The following MALRD1 variants were observed in gnomAD, a reference collection of about 807,000 sequenced individuals.
MALRD1 encodes the protein MAM and LDL receptor class A domain containing 1.
MALRD1 carries 247 observed loss-of-function variants against 242.1 expected under a neutral mutation model. The observed-to-expected ratio is 1.02, with a 90% confidence interval of 0.92 to 1.13. The LOEUF is 1.13. Among genes scored for constraint, MALRD1 ranks in the 50% most tolerant of loss-of-function variants. The pLI, the probability that MALRD1 is intolerant of heterozygous loss-of-function variation, is 0.00. For synonymous variants in MALRD1, 995 were observed against 866.6 expected (o/e 1.15, Z -2.60); for missense variants, 2,989 against 2,533.1 (o/e 1.18, Z -3.86).
chr10:19,129,881 A>G (rs1837399077), intron 8 of MALRD1, among the ~76,000 whole-genome samples: 2 of 150,338 alleles, frequency 1.3e-5, no homozygotes. Context: ...AGATATAAAT[A>G]TATAGATAAA....
intron 21 of MALRD1, among the ~76,000 whole-genome samples, chr10:19,288,764 C>A (rs1484331639): frequency 1.3e-5 from 2 of 152,030 alleles, no homozygotes; most frequent in African/African-American, 4.8e-5. Context: ...ATTAAAGAAT[C>A]TTTTCAAAAT....
At position 19,445,695 on chromosome 10, in the gene MALRD1, T is replaced by A. The variant is rs191729617; in HGVS notation, c.4846-4612T>A. 8.5e-5 allele frequency among the ~76,000 whole-genome samples: 13 copies of A among 152,310 alleles called. No homozygotes were observed. The East Asian group carries it at 1.5e-3, about 18-fold the overall frequency. On this transcript the variant is annotated intron_variant, in intron 28 of 39. Coordinates refer to ENST00000454679, the MANE Select transcript of MALRD1 (RefSeq NM_001142308.3). ...TGTCTCAGAGGGGCACCCAGCTGTG[T>A]GAGGTGTCACCCTACTGGGAGGTGT...
intron 36 of MALRD1, among the ~76,000 whole-genome samples, chr10:19,669,333 A>T (rs1841813397): frequency 6.6e-6 from 1 of 152,212 alleles, no homozygotes; most frequent in Non-Finnish European, 1.5e-5. Context: ...CAATCTTTAG[A>T]AATTAACCTC....
chr10:19,543,028 TG>T (rs1366725623), intron 32 of MALRD1, among the ~76,000 whole-genome samples: 2 of 151,998 alleles, frequency 1.3e-5, no homozygotes, highest in African/African-American at 2.4e-5. Context: ...CTTCATTTTT[TG>T]TTGGATTCAT....
At position 19,132,362 on chromosome 10, in the gene MALRD1, A is replaced by C. The variant is rs141689243; in HGVS notation, c.1111-1494A>C. 3.8e-4 allele frequency among the ~76,000 whole-genome samples: 58 copies of C among 152,322 alleles called. No individual in the cohort carries two copies. In the South Asian group the frequency reaches 0.012, roughly 32 times the overall value. ...TTCATCCTGATCCGCCATGAAAGCT[A>C]TCAGCCGAAAATATGTCCACCCCGT... On this transcript the variant is annotated intron_variant, in intron 8 of 39. Coordinates refer to ENST00000454679, the MANE Select transcript of MALRD1 (RefSeq NM_001142308.3).
intron 38 of MALRD1, among the ~76,000 whole-genome samples, chr10:19,700,696 C>G (rs985193542): frequency 3.9e-5 from 6 of 152,178 alleles, no homozygotes; most frequent in African/African-American, 1.4e-4. Context: ...TTCATACCTT[C>G]TCTTCTGATT....
intron 14 of MALRD1, among the ~76,000 whole-genome samples, chr10:19,180,239 A>G (rs1835446600): frequency 6.6e-6 from 1 of 152,180 alleles, no homozygotes; most frequent in Middle Eastern, 3.2e-3. Context: ...CATACATGAG[A>G]ATGATGAGAA....
intron 9 of MALRD1, 116 bp from the exon 10 acceptor site, chr10:19,136,458 C>T (rs1448056715): frequency 2.0e-6 from 1 of 506,552 alleles, no homozygotes; most frequent in Non-Finnish European, 3.1e-6. Flanking sequence ...TATATATTGC[C>T]TTGGTTGCTT....
At chr10:19,228,468 G>T (rs183522706) in intron 18 of MALRD1, among the ~76,000 whole-genome samples, 1 of 152,118 alleles carries the variant, frequency 6.6e-6, no homozygotes, top group African/African-American at 2.4e-5. Context: ...TCATGATTGT[G>T]GTCAAATGAT....
intron 2 of MALRD1, 149 bp from the exon 3 acceptor site, chr10:19,087,691 T>A (rs904938970): frequency 7.3e-6 from 3 of 410,530 alleles, no homozygotes; most frequent in African/African-American, 4.1e-5. Context: ...ATCTTTTATG[T>A]TACAAACAAT....
intron 14 of MALRD1, among the ~76,000 whole-genome samples, chr10:19,192,261 G>C (rs774606315): frequency 2.0e-5 from 3 of 152,130 alleles, no homozygotes; most frequent in Non-Finnish European, 2.9e-5. Context: ...CATGGATGTT[G>C]GTGATGGTTG....
chr10:19,284,194 T>G (rs1252937736), intron 21 of MALRD1, among the ~76,000 whole-genome samples: 1 of 152,194 alleles, frequency 6.6e-6, no homozygotes, highest in East Asian at 1.9e-4. Flanking sequence ...TTCACTTTTG[T>G]GAAATGCATG....
At chr10:19,301,591 C>A (rs1236518970) in intron 21 of MALRD1, among the ~76,000 whole-genome samples, 1 of 151,736 alleles carries the variant, frequency 6.6e-6, no homozygotes, top group East Asian at 1.9e-4. Flanking sequence ...AGGTCATCAT[C>A]TTAAGGAAAT....
chr10:19,157,245 A>T (rs1200853044), intron 12 of MALRD1, among the ~76,000 whole-genome samples: 1 of 149,508 alleles, frequency 6.7e-6, no homozygotes, highest in African/African-American at 2.5e-5. Flanking sequence ...TTGTGGCAAT[A>T]TGTGATATTT....
At chr10:19,232,316 G>A (rs1274337624) in intron 18 of MALRD1, among the ~76,000 whole-genome samples, 2 of 150,664 alleles carry the variant, frequency 1.3e-5, no homozygotes, top group South Asian at 2.1e-4. Context: ...ATAGGTGCCC[G>A]CCACGACACC....
chr10:19,112,502 C>T (rs1291634246), intron 5 of MALRD1, among the ~76,000 whole-genome samples: 1 of 152,048 alleles, frequency 6.6e-6, no homozygotes, highest in African/African-American at 2.4e-5. Flanking sequence ...GGTTCATCAC[C>T]CCCAGTACTG....
chr10:19,493,314 G>A (rs1837570645), intron 30 of MALRD1: 1 of 151,680 alleles, frequency 6.6e-6, no homozygotes, highest in African/African-American at 2.4e-5. Context: ...ATGTCTTCAA[G>A]GTTCGTTTCA....
intron 14 of MALRD1, among the ~76,000 whole-genome samples, chr10:19,177,772 A>G (rs1835325112): frequency 6.6e-6 from 1 of 152,176 alleles, no homozygotes; most frequent in African/African-American, 2.4e-5. Context: ...GTATGATCCA[A>G]TGGTAACAGA....
intron 19 of MALRD1, among the ~76,000 whole-genome samples, chr10:19,278,455 A>G (rs984264625): frequency 5.3e-5 from 8 of 151,408 alleles, no homozygotes; most frequent in African/African-American, 1.5e-4. Flanking sequence ...CCATCCATCC[A>G]TCCATCCATC....
Sources: allele counts gnomAD v4.1 joint callset (sites outside exome capture counted in the v4.1 genomes callset), GRCh38; gene constraint gnomAD v4.1.1; transcripts MANE v1.5; gene names NCBI Gene and HGNC (gene_info 2026-07-23, HGNC 2026-07-21).